Variants in APC2 observed in about 807,000 individuals in gnomAD.
APC2 encodes the protein APC regulator of Wnt signaling pathway 2, also known as adenomatous polyposis coli protein 2.
APC2 carries 41 observed loss-of-function variants against 72.5 expected under a neutral mutation model. The ratio of observed to expected loss-of-function variants is 0.57; its 90% CI spans 0.44 to 0.73. The LOEUF (loss-of-function observed/expected upper bound fraction) is 0.73. Ranked by LOEUF, APC2 falls within the 30% of genes least tolerant of loss-of-function variation. APC2 has a pLI of 0.00. For synonymous variants in APC2, 1,898 were observed against 1,612.0 expected, an observed-to-expected ratio of 1.18 and a Z score of -4.25; for missense variants, 3,729 against 3,403.4, an observed-to-expected ratio of 1.10 and a Z score of -2.38.
In APC2 at chr19:1,466,087, G is replaced by A; in HGVS notation, c.2786G>A (p.Ser929Asn). The change falls in exon 15 of 15, where the codon AGC becomes AAC. Residue 929 changes from serine to asparagine, a missense_variant. Ser to Asn is a conservative substitution (Grantham distance 46). Coordinates refer to ENST00000590469, the MANE Select transcript of APC2 (RefSeq NM_005883.3). Reference sequence around the variant, plus strand: ...AGCCTCTCCAACGACAGCCTCAACAGCGGCAGTGCCAGCGACGGGTACTGC... The same window carrying A: ...AGCCTCTCCAACGACAGCCTCAACAACGGCAGTGCCAGCGACGGGTACTGC... ...HASLSNDSLN[S>N]GSASDGYCPR... 6.5e-7 allele frequency: 1 copy of A among 1,533,966 alleles called. No homozygotes were observed. The highest frequency in any genetic ancestry group is 1.2e-5 in the South Asian group (1 of 82,272).
chr19:1,461,740 T>C, intron 13 of APC2: 1 of 550,634 alleles, frequency 1.8e-6, no homozygotes, highest in Non-Finnish European at 3.2e-6. Flanking sequence ...TAGTCCCAGC[T>C]ACTCCGGAGG....
At position 1,471,801 on chromosome 19, in the gene APC2, T is replaced by C. The variant is rs982554329; in HGVS notation, c.*1588T>C. The C allele has an allele frequency of 4.6e-5, 7 of 152,300 alleles. No individual in the cohort carries two copies. Among genetic ancestry groups the C allele is most frequent in the African/African-American group, 1.7e-4 (7 of 41,438 alleles). 9.4% of individuals were successfully genotyped at this position (152,300 alleles called of 1,614,324 possible). A position where few individuals can be genotyped will look rare whatever the true frequency, so the allele number is the denominator to read the frequency against. ...CCCCAGCATGGGCAAGGCCAGCCTT[T>C]CTGGCAGAAGGAGCTGTCCTCAACT... On this transcript the variant is annotated 3_prime_UTR_variant, in exon 15 of 15. Coordinates refer to ENST00000590469, the MANE Select transcript of APC2 (RefSeq NM_005883.3).
chr19:1,463,566 A>G (rs2083959968), intron 14 of APC2, among the ~76,000 whole-genome samples: 1 of 150,448 alleles, frequency 6.6e-6, no homozygotes, highest in African/African-American at 2.5e-5. Context: ...CTGGGCAACA[A>G]GAGCAAAACT....
chr19:1,467,724 G>A lies in APC2; in HGVS notation c.4423G>A (p.Ala1475Thr), dbSNP rs769963414. ...LELPLGRPPS[A>T]PADKDGSKPG... ...GCTGCCCCTGGGCCGGCCCCCGAGC[G>A]CCCCCGCAGACAAGGACGGCTCAAA... The change falls in exon 15 of 15, where the codon GCC (alanine) becomes ACC (threonine). Residue 1475 changes from alanine to threonine, a missense_variant. Physicochemically the swap from Ala to Thr is moderately conservative, Grantham distance 58 (BLOSUM62 0). Transcript: ENST00000590469. The A allele has an allele frequency of 2.1e-6, 3 of 1,434,754 alleles. No individual in the cohort carries two copies. The African/African-American group carries it at 4.5e-5, about 22-fold the overall frequency. 88.9% of individuals were successfully genotyped at this position (1,434,754 alleles called of 1,614,324 possible).
At chr19:1,463,742 C>T (rs1182436190) in intron 14 of APC2, among the ~76,000 whole-genome samples, 1 of 151,898 alleles carries the variant, frequency 6.6e-6, no homozygotes, top group Non-Finnish European at 1.5e-5. Flanking sequence ...GGGAGTGAGA[C>T]CCTGTCTCAA....
chr19:1,464,311 GA>G (rs980211364), intron 14 of APC2, among the ~76,000 whole-genome samples: 142 of 138,060 alleles, frequency 1.0e-3, no homozygotes, highest in South Asian at 2.3e-3. Context: ...CTCCATCTCA[GA>G]AAAAAAAAAA....
rs1396574364 is a variant in APC2, at chr19:1,465,218, G to T, written c.1917G>T (p.Leu639=). Residue 639 remains leucine, a synonymous_variant, in exon 15 of 15, where the codon CTG becomes CTT. Coordinates refer to ENST00000590469, the MANE Select transcript of APC2 (RefSeq NM_005883.3). The part of the protein sequence containing the change: ...TLLQHLTSHS[L]TIVSNACGTL... Reference sequence around the variant, plus strand: ...TGCAGCATCTGACTTCGCACAGCCTGACCATCGTGAGCAACGCGTGCGGCA... The same window carrying T: ...TGCAGCATCTGACTTCGCACAGCCTTACCATCGTGAGCAACGCGTGCGGCA... 4.3e-6 allele frequency: 7 copies of T among 1,610,368 alleles called. No individual in the cohort carries two copies. The Admixed American group carries it at 8.4e-5, about 19-fold the overall frequency.
chr19:1,468,389 T>C lies in APC2; in HGVS notation c.5088T>C (p.Ile1696=), dbSNP rs910269600. The change falls in exon 15 of 15, where the codon ATT becomes ATC. Residue 1696 remains isoleucine, a synonymous_variant. Coordinates refer to ENST00000590469, the MANE Select transcript of APC2 (RefSeq NM_005883.3). Reference sequence around the variant, plus strand: ...CCATCCAGGAGGGCGCCAATTCAATTGTCACGTGGCTGCACCAGGCAGCAG... The same window carrying C: ...CCATCCAGGAGGGCGCCAATTCAATCGTCACGTGGCTGCACCAGGCAGCAG... The part of the protein sequence containing the change: ...WRAIQEGANS[I]VTWLHQAAAA... 5 of 1,582,552 alleles carry C rather than the reference T, an allele frequency of 3.2e-6. No homozygotes were observed. In the African/African-American group the frequency reaches 5.4e-5, roughly 17 times the overall value.
At position 1,457,189 on chromosome 19, in the gene APC2, T is replaced by C. The variant is rs2083846391; in HGVS notation, c.1153T>C (p.Trp385Arg). Residue 385 changes from tryptophan (W) to arginine (R), a missense_variant, in exon 9 of 15, where the codon TGG (tryptophan) becomes CGG (arginine). Physicochemically the swap from Trp to Arg is moderately radical, Grantham distance 101. Transcript: ENST00000590469. Reference sequence around the variant, plus strand: ...GATCCGGGCCTACTGCGAGACCTGCTGGGACTGGCTGCAGGCCCGAGACGG... The same window carrying C: ...GATCCGGGCCTACTGCGAGACCTGCCGGGACTGGCTGCAGGCCCGAGACGG... ...EQIRAYCETC[W>R]DWLQARDGGP... 6.4e-7 allele frequency: 1 copy of C among 1,565,658 alleles called. No homozygotes were observed. Among genetic ancestry groups the C allele is most frequent in the Non-Finnish European group, 8.6e-7 (1 of 1,158,238 alleles).
At chr19:1,463,870 G>A (rs1381820403) in intron 14 of APC2, among the ~76,000 whole-genome samples, 3 of 152,026 alleles carry the variant, frequency 2.0e-5, no homozygotes, top group Non-Finnish European at 4.4e-5. Context: ...ATACACATCG[G>A]ATATACTAAA....
intron 13 of APC2, chr19:1,461,627 C>T (rs528920754): frequency 1.5e-4 from 49 of 327,360 alleles, no homozygotes; most frequent in African/African-American, 4.1e-4. Context: ...CCGAGGCGGG[C>T]GGATCACAAG....
intron 14 of APC2, among the ~76,000 whole-genome samples, chr19:1,464,706 C>CTGCAGCCTCT (rs1568176770): frequency 1.4e-5 from 2 of 143,924 alleles, no homozygotes; most frequent in East Asian, 4.2e-4. Context: ...GATCTCGGCT[C>CTGCAGCCTCT]ACTGCAGCCT....
At chr19:1,450,002 C>T (rs2083723698), upstream of APC2, 1 of 531,736 alleles carries the variant, frequency 1.9e-6, no homozygotes, top group Non-Finnish European at 2.4e-6. Flanking sequence ...CGACGCCCCG[C>T]GGCCGACGCC....
Position 1,460,805 on chromosome 19 carries a change from G to A in APC2, c.1469G>A (p.Cys490Tyr). 6.2e-7 allele frequency: 1 copy of A among 1,613,206 alleles called. No homozygotes were observed. The highest frequency in any genetic ancestry group is 8.5e-7 in the Non-Finnish European group (1 of 1,179,968). The change falls in exon 12 of 15, where the codon TGC becomes TAC. Residue 490 changes from cysteine (C) to tyrosine (Y), a missense_variant. Coordinates refer to ENST00000590469, the MANE Select transcript of APC2 (RefSeq NM_005883.3). The stretch of plus-strand genomic sequence containing the variant: ...GCCACCCTGTGTGCGCGCCGCGGCT[G>A]CATGGAGGCCATCGTGGCCCAGCTG... ...NKATLCARRG[C>Y]MEAIVAQLAS...
chr19:1,466,213 T>G lies in APC2; in HGVS notation c.2912T>G (p.Leu971Arg). The change falls in exon 15 of 15, where the codon CTG becomes CGG. Residue 971 changes from leucine to arginine, a missense_variant. Transcript: ENST00000590469. ...CGGCCCAGCCGGCTTGACCTTGACC[T>G]GCCCGGCTGCCAGGCCGAGCCCCCG... The part of the protein sequence containing the change: ...QPRPSRLDLD[L>R]PGCQAEPPAR... 1 of 1,551,632 alleles carries G rather than the reference T, an allele frequency of 6.4e-7. No homozygotes were observed. Among genetic ancestry groups the G allele is most frequent in the Non-Finnish European group, 8.6e-7 (1 of 1,157,220 alleles).
chr19:1,457,248 G>C lies in APC2; in HGVS notation c.1207+5G>C, dbSNP rs993146938. 6.6e-7 allele frequency: 1 copy of C among 1,518,000 alleles called. No individual in the cohort carries two copies. Among genetic ancestry groups the C allele is most frequent in the Non-Finnish European group, 8.8e-7 (1 of 1,137,910 alleles). The allele number at this position is 1,518,000 out of a possible 1,614,324, so 94.0% of individuals were successfully genotyped here. A position where few individuals can be genotyped will look rare whatever the true frequency, so the allele number is the denominator to read the frequency against. On this transcript the variant is annotated splice_donor_5th_base_variant and intron_variant, in intron 9 of 14. Transcript: ENST00000590469. ...AGGGAGGTGGCGCCGGCAGCGGTGAGTGCCTGGCCTGGTGGGCCCCCTCCG... is the reference window on the plus strand; with the variant it reads ...AGGGAGGTGGCGCCGGCAGCGGTGACTGCCTGGCCTGGTGGGCCCCCTCCG...
upstream of APC2, among the ~76,000 whole-genome samples, chr19:1,449,186 G>A (rs1217593674): frequency 1.3e-5 from 2 of 152,208 alleles, no homozygotes; most frequent in African/African-American, 2.4e-5. Flanking sequence ...GGAAACCGAG[G>A]GTTGAGCGGC....
Position 1,467,559 on chromosome 19 carries a change from G to C in APC2, c.4258G>C (p.Gly1420Arg). ...GCAGGGACCCCCCAGGGACCAGCCC[G>C]GGGGACCAGCGGGCAGGCAAAGACC... ...TLQGPPRDQP[G>R]GPAGRQRPTG... Residue 1420 changes from glycine (G) to arginine (R), a missense_variant, in exon 15 of 15, where the codon GGG becomes CGG. Physicochemically the swap from Gly to Arg is moderately radical, Grantham distance 125. Transcript: ENST00000590469. The C allele has an allele frequency of 2.0e-6, 3 of 1,509,734 alleles. No individual in the cohort carries two copies. The highest frequency in any genetic ancestry group is 4.1e-5 in the Admixed American group (2 of 48,578). 93.5% of individuals were successfully genotyped at this position (1,509,734 alleles called of 1,614,324 possible).
At chr19:1,459,392 A>G (rs528777735) in intron 10 of APC2, among the ~76,000 whole-genome samples, 8 of 152,290 alleles carry the variant, frequency 5.3e-5, no homozygotes, top group African/African-American at 1.9e-4. Flanking sequence ...CTCCCTTCTG[A>G]GGCTGCGTGA....
Sources: gnomAD v4.1 joint callset for allele counts (sites outside exome capture counted in the v4.1 genomes callset) on GRCh38, gnomAD v4.1.1 for gene constraint, MANE v1.5 for transcripts, NCBI Gene and HGNC (gene_info 2026-07-23, HGNC 2026-07-21) for gene names.